The following CEP112 variants were observed in gnomAD, a reference collection of about 807,000 sequenced individuals.
CEP112 encodes centrosomal protein of 112 kDa.
CEP112 carries 127 observed loss-of-function variants against 153.0 expected under a neutral mutation model. That is an observed-to-expected ratio of 0.83 (90% CI 0.72 to 0.96). CEP112 has a LOEUF of 0.96. Among genes scored for constraint, CEP112 ranks in the 40% least tolerant of loss-of-function variants. The pLI is 0.00. For missense variants in CEP112, 1,089 were observed against 1,101.2 expected (o/e 0.99, Z 0.16); for synonymous variants, 358 against 374.4 (o/e 0.96, Z 0.51).
chr17:65,995,402 G>T (rs907533001), intron 17 of CEP112, among the ~76,000 whole-genome samples: 1 of 152,130 alleles, frequency 6.6e-6, no homozygotes, highest in Non-Finnish European at 1.5e-5. Context: ...GATATAGGTG[G>T]GAAAATAGAA....
chr17:65,695,130 A>C (rs2048295521), intron 23 of CEP112, among the ~76,000 whole-genome samples: 1 of 152,214 alleles, frequency 6.6e-6, no homozygotes, highest in South Asian at 2.1e-4. Flanking sequence ...GCTGGTCGGG[A>C]ATAAAGAATG....
chr17:65,654,413 G>A (rs77132077), intron 24 of CEP112, among the ~76,000 whole-genome samples: 1,580 of 152,214 alleles, frequency 0.01, 32 homozygotes, highest in African/African-American at 0.036. Context: ...AGCGTGCAGC[G>A]CAATAGGAGT....
chr17:65,941,717 G>A (rs1452999535), intron 18 of CEP112, among the ~76,000 whole-genome samples: 1 of 152,010 alleles, frequency 6.6e-6, no homozygotes, highest in Non-Finnish European at 1.5e-5. Flanking sequence ...AAAAGGGCTT[G>A]AGTACATTTC....
In CEP112 at chr17:65,689,288, C is replaced by T. The variant is rs1287166076; in HGVS notation, c.2608-70G>A. On this transcript the variant is annotated intron_variant, in intron 23 of 26. Transcript: ENST00000535342. The stretch of plus-strand genomic sequence containing the variant: ...TGGAAAAATAGTTCTACACCATGAA[C>T]TGGCACTAAAAAGGCCTCAGATCTC... The T allele has an allele frequency of 7.9e-6, 9 of 1,141,960 alleles. No homozygotes were observed. The South Asian group carries it at 9.1e-5, about 12-fold the overall frequency. The allele number at this position is 1,141,960 out of a possible 1,614,324, so 70.7% of individuals were successfully genotyped here. A position where few individuals can be genotyped will look rare whatever the true frequency, so the allele number is the denominator to read the frequency against.
At chr17:65,928,026 A>C (rs901318546) in intron 18 of CEP112, among the ~76,000 whole-genome samples, 12 of 152,206 alleles carry the variant, frequency 7.9e-5, no homozygotes, top group Non-Finnish European at 1.6e-4. Context: ...TCCAAATCAT[A>C]TCTCTAATAA....
intron 20 of CEP112, among the ~76,000 whole-genome samples, chr17:65,857,116 G>A (rs922912128): frequency 6.6e-6 from 1 of 152,192 alleles, no homozygotes. Flanking sequence ...GAGTGTCTGA[G>A]GGAGAGAATA....
At chr17:66,073,282 A>C (rs1203619386) in intron 8 of CEP112, among the ~76,000 whole-genome samples, 1 of 152,288 alleles carries the variant, frequency 6.6e-6, no homozygotes, top group East Asian at 1.9e-4. Flanking sequence ...AGACCACGAT[A>C]GTCCCAACTT....
chr17:66,107,479 T>C (rs192059524), intron 6 of CEP112, among the ~76,000 whole-genome samples: 64 of 152,222 alleles, frequency 4.2e-4, no homozygotes, highest in Non-Finnish European at 8.1e-4. Context: ...CAAAAATTAA[T>C]AGCATTTCTA....
At chr17:66,062,033 T>C (rs1208211492) in intron 11 of CEP112, among the ~76,000 whole-genome samples, 2 of 152,188 alleles carry the variant, frequency 1.3e-5, no homozygotes, top group African/African-American at 2.4e-5. Context: ...TAGTTCCTCC[T>C]GTGTTCATTC....
chr17:65,842,506 T>C (rs1208201975), intron 21 of CEP112, among the ~76,000 whole-genome samples: 1 of 152,122 alleles, frequency 6.6e-6, no homozygotes, highest in Non-Finnish European at 1.5e-5. Flanking sequence ...AGCAGTCTAT[T>C]TCCATCTACA....
At chr17:66,066,420 A>G (rs889331638) in intron 10 of CEP112, among the ~76,000 whole-genome samples, 1 of 152,230 alleles carries the variant, frequency 6.6e-6, no homozygotes. Context: ...GAAGGCCAGT[A>G]AGTCCTAATT....
intron 24 of CEP112, among the ~76,000 whole-genome samples, chr17:65,642,958 C>T (rs1419650707): frequency 2.0e-5 from 3 of 152,172 alleles, no homozygotes; most frequent in African/African-American, 7.2e-5. Context: ...TCCTACCCAT[C>T]CCACCCCACA....
intron 17 of CEP112, among the ~76,000 whole-genome samples, chr17:65,987,976 A>T (rs1336923565): frequency 1.3e-5 from 2 of 152,172 alleles, no homozygotes; most frequent in Non-Finnish European, 2.9e-5. Context: ...AGCCAGAGAC[A>T]AAGGGAGAGG....
chr17:65,661,315 A>C (rs1226719165), intron 24 of CEP112, among the ~76,000 whole-genome samples: 3 of 152,168 alleles, frequency 2.0e-5, no homozygotes, highest in Admixed American at 6.5e-5. Context: ...TGTTCATCTA[A>C]CAGTTACTGA....
intron 4 of CEP112, among the ~76,000 whole-genome samples, chr17:66,144,368 T>A (rs2070834034): frequency 6.6e-6 from 1 of 152,154 alleles, no homozygotes; most frequent in East Asian, 1.9e-4. Context: ...AGAATATTTC[T>A]GAGATTTCTC....
intron 11 of CEP112, among the ~76,000 whole-genome samples, chr17:66,057,059 G>A (rs908666134): frequency 1.3e-5 from 2 of 152,104 alleles, no homozygotes; most frequent in Non-Finnish European, 2.9e-5. Context: ...GGAAACAATG[G>A]GAGCCACTAG....
intron 17 of CEP112, among the ~76,000 whole-genome samples, chr17:65,975,822 A>G (rs1260071304): frequency 6.6e-6 from 1 of 152,250 alleles, no homozygotes; most frequent in African/African-American, 2.4e-5. Flanking sequence ...TTGAAATGAC[A>G]TGGCAAAAGC....
intron 6 of CEP112, among the ~76,000 whole-genome samples, chr17:66,121,659 C>T (rs912267921): frequency 9.9e-5 from 15 of 151,584 alleles, no homozygotes; most frequent in Admixed American, 6.6e-4. Flanking sequence ...TTTTTCACTT[C>T]GGTTATACGG....
chr17:65,783,613 T>C (rs975378061), intron 21 of CEP112, among the ~76,000 whole-genome samples: 1 of 152,208 alleles, frequency 6.6e-6, no homozygotes, highest in African/African-American at 2.4e-5. Flanking sequence ...TTAGAGTGTA[T>C]CTAGTTTTCC....
Sources: allele counts gnomAD v4.1 joint callset (sites outside exome capture counted in the v4.1 genomes callset), GRCh38; gene constraint gnomAD v4.1.1; transcripts MANE v1.5; gene names NCBI Gene and HGNC (gene_info 2026-07-23, HGNC 2026-07-21).